Variants in ARMC9 observed in about 807,000 individuals in gnomAD.
The protein encoded by ARMC9 is lisH domain-containing protein ARMC9.
Under a neutral mutation model 107.0 loss-of-function variants are expected in ARMC9, and 94 were observed. That is an observed-to-expected ratio of 0.88 (90% CI 0.74 to 1.04). The LOEUF is 1.04. ARMC9 is among the 50% of genes least tolerant of loss of function. The pLI, the probability that ARMC9 is intolerant of heterozygous loss-of-function variation, is 0.00. For synonymous variants in ARMC9, 380 were observed against 396.9 expected (o/e 0.96, Z 0.51); for missense variants, 942 against 1,030.1 (o/e 0.91, Z 1.17).
At chr2:231,324,409 G>C (rs62197356) in intron 19 of ARMC9, among the ~76,000 whole-genome samples, 97,332 of 148,156 alleles carry the variant, frequency 0.66, 32,061 homozygotes, top group East Asian at 0.78. Context: ...TATAGGCCAC[G>C]CGGCCTATAA....
chr2:231,256,459 CA>C (rs202122259), intron 9 of ARMC9, 126 bp from the exon 10 acceptor site: 12,425 of 903,618 alleles, frequency 0.014, 1 homozygote, highest in East Asian at 0.044. Context: ...AAAAAAAAAC[CA>C]AAAAAAAAAA....
intron 7 of ARMC9, among the ~76,000 whole-genome samples, chr2:231,229,134 AG>A (rs553902474): frequency 6.6e-6 from 1 of 152,082 alleles, no homozygotes; most frequent in African/African-American, 2.4e-5. Context: ...TGGCAAGCAA[AG>A]TGCATCTGTG....
chr2:231,236,289 A>G (rs778298300), intron 8 of ARMC9, among the ~76,000 whole-genome samples: 15 of 152,204 alleles, frequency 9.9e-5, no homozygotes, highest in Non-Finnish European at 2.1e-4. Flanking sequence ...ATTGACAGTC[A>G]TGTTACATCA....
chr2:231,217,118 A>G (rs2033596722), intron 5 of ARMC9, among the ~76,000 whole-genome samples: 1 of 152,236 alleles, frequency 6.6e-6, no homozygotes, highest in African/African-American at 2.4e-5. Flanking sequence ...AATACATTGT[A>G]TTATATTCAC....
chr2:231,331,826 A>G lies in ARMC9; in HGVS notation c.1807A>G (p.Lys603Glu), dbSNP rs367927015. ...TGACATCATGGAAGCCGATCTGGAC[A>G]AAGACGAACTGATCCAGCCCCAGCT... ...DHDIMEADLD[K>E]DELIQPQLGE... is the part of the protein sequence containing the mutation. Residue 603 changes from lysine (K) to glutamate (E), a missense_variant, in exon 20 of 25, where the codon AAA (lysine) becomes GAA (glutamate). Transcript: ENST00000611582. 45 of 1,613,920 alleles carry G rather than the reference A, an allele frequency of 2.8e-5. No homozygotes were observed. Among genetic ancestry groups the G allele is most frequent in the Non-Finnish European group, 3.1e-5 (36 of 1,179,954 alleles).
At position 231,314,826 on chromosome 2, in the gene ARMC9, T is replaced by C. The variant is rs907763688; in HGVS notation, c.1774-16967T>C. 5.9e-5 allele frequency among the ~76,000 whole-genome samples: 9 copies of C among 152,364 alleles called. No individual in the cohort carries two copies. In the South Asian group the frequency reaches 1.9e-3, roughly 32 times the overall value. ...GTATAGGACCATTTTTAGTTAATTT[T>C]TGTGTGTGATGTGAGATAAAGATCT... On this transcript the variant is annotated intron_variant, in intron 19 of 24. Coordinates refer to ENST00000611582, the MANE Select transcript of ARMC9 (RefSeq NM_001352754.2).
intron 20 of ARMC9, among the ~76,000 whole-genome samples, chr2:231,341,705 T>C (rs1016468594): frequency 6.6e-6 from 1 of 151,616 alleles, no homozygotes; most frequent in African/African-American, 2.4e-5. Context: ...TTACAGAAAT[T>C]CATACTGCTT....
rs1394994536 is a variant in ARMC9 at position 231,362,413 on chromosome 2, T to G, written c.2261+1530T>G. ...CAAATGCTGAGTTCATTTCTGAGGCTCTCCACTGGGGACAGCCCTCTCTCC... is the reference window on the plus strand; with the variant it reads ...CAAATGCTGAGTTCATTTCTGAGGCGCTCCACTGGGGACAGCCCTCTCTCC... On this transcript the variant is annotated intron_variant, in intron 23 of 24. Transcript: ENST00000611582. This position sits in a 1 kb window ranked among gnomAD's most constrained non-coding sequence, Gnocchi z 4.7. 6.6e-6 allele frequency among the ~76,000 whole-genome samples: 1 copy of G among 152,062 alleles called. No individual in the cohort carries two copies. The highest frequency in any genetic ancestry group is 2.1e-4 in the South Asian group (1 of 4,828).
intron 4 of ARMC9, among the ~76,000 whole-genome samples, chr2:231,215,970 T>C (rs983613768): frequency 1.3e-5 from 2 of 152,202 alleles, no homozygotes; most frequent in Admixed American, 6.5e-5. Context: ...GCTTAGTCTA[T>C]GTACGAGACT....
intron 14 of ARMC9, 126 bp downstream of exon 14, chr2:231,273,204 G>T: frequency 7.8e-7 from 1 of 1,289,234 alleles, no homozygotes; most frequent in Non-Finnish European, 1.1e-6. Flanking sequence ...GACTTTCTAA[G>T]ACAGAGCTAG....
chr2:231,241,728 ATAAG>A (rs1470709009), intron 9 of ARMC9, among the ~76,000 whole-genome samples: 1 of 152,184 alleles, frequency 6.6e-6, no homozygotes, highest in African/African-American at 2.4e-5. Context: ...GAAAATAAAA[ATAAG>A]TAAAGCAGTT....
intron 19 of ARMC9, among the ~76,000 whole-genome samples, chr2:231,301,717 C>T (rs761513916): frequency 3.9e-5 from 6 of 152,074 alleles, no homozygotes; most frequent in Non-Finnish European, 8.8e-5. Flanking sequence ...TGGTGGCTCA[C>T]GCCTGAATCC....
At chr2:231,278,562 T>G in intron 16 of ARMC9, 104 bp downstream of exon 16, 2 of 946,428 alleles carry the variant, frequency 2.1e-6, no homozygotes, top group Admixed American at 2.0e-5. Flanking sequence ...GTTGCTGTAT[T>G]TGAAAACTGT....
Position 231,353,992 on chromosome 2 carries a change from C to T in ARMC9, c.1995-1806C>T, listed in dbSNP as rs1282037143. Among the ~76,000 whole-genome samples the T allele has an allele frequency of 4.2e-3, 490 of 117,408 alleles. 5 individuals carry two copies. The highest frequency in any genetic ancestry group is 0.029 in the African/African-American group (462 of 15,846). The allele number at this position is 117,408 out of a possible 152,430, so 77.0% of individuals were successfully genotyped here. A position where few individuals can be genotyped will look rare whatever the true frequency, so the allele number is the denominator to read the frequency against. ...ATATATGTATATATACACACACACA[C>T]ACACACACACACACACACACACACC... On this transcript the variant is annotated intron_variant, in intron 21 of 24. Transcript: ENST00000611582.
At chr2:231,345,612 G>A (rs760341913) in intron 21 of ARMC9, among the ~76,000 whole-genome samples, 1 of 152,142 alleles carries the variant, frequency 6.6e-6, no homozygotes, top group Non-Finnish European at 1.5e-5. Context: ...AGAGCCTCTG[G>A]TCTCCCTGGG....
chr2:231,328,818 TC>T lies in ARMC9; in HGVS notation c.1774-2974del, dbSNP rs199631510. On this transcript the variant is annotated intron_variant, in intron 19 of 24. Coordinates refer to ENST00000611582, the MANE Select transcript of ARMC9 (RefSeq NM_001352754.2). ...TGTTCAATTTTCTTTTCTTTTCTTT[TC>T]TTTTTTTTTTTTTGAGTCGGAGTCT... Among the ~76,000 whole-genome samples the T allele has an allele frequency of 7.6e-5, 10 of 132,026 alleles. 3 individuals are homozygous for T. Among genetic ancestry groups the T allele is most frequent in the African/African-American group, 1.7e-4 (6 of 35,960 alleles). The allele number at this position is 132,026 out of a possible 152,430, so 86.6% of individuals were successfully genotyped here. A position where few individuals can be genotyped will look rare whatever the true frequency, so the allele number is the denominator to read the frequency against.
In ARMC9 at chr2:231,371,922, A is replaced by G. The variant is rs2046035685; in HGVS notation, c.*387A>G. 1 of 201,172 alleles carries G rather than the reference A, an allele frequency of 5.0e-6. No individual in the cohort carries two copies. The highest frequency in any genetic ancestry group is 9.9e-6 in the Non-Finnish European group (1 of 100,554). 12.5% of individuals were successfully genotyped at this position (201,172 alleles called of 1,614,324 possible). On this transcript the variant is annotated 3_prime_UTR_variant, in exon 25 of 25. Coordinates refer to ENST00000611582, the MANE Select transcript of ARMC9 (RefSeq NM_001352754.2). Reference sequence around the variant, plus strand: ...CCCAACAGGGCGACAGTGTAGGGCCAGCCTGGAGCAGGGCTTTTCCAAGGC... The same window carrying G: ...CCCAACAGGGCGACAGTGTAGGGCCGGCCTGGAGCAGGGCTTTTCCAAGGC...
intron 9 of ARMC9, among the ~76,000 whole-genome samples, chr2:231,244,393 G>T (rs1341525135): frequency 6.7e-6 from 1 of 148,944 alleles, no homozygotes; most frequent in Non-Finnish European, 1.5e-5. Flanking sequence ...TTGAGACAGG[G>T]TCTCGCTCTG....
chr2:231,333,476 T>G (rs1454605285), intron 20 of ARMC9, among the ~76,000 whole-genome samples: 5 of 152,024 alleles, frequency 3.3e-5, no homozygotes, highest in African/African-American at 1.2e-4. Flanking sequence ...AGGATTAAAG[T>G]AGTCTAATTG....
Sources: gnomAD v4.1 joint callset for allele counts (sites outside exome capture counted in the v4.1 genomes callset) on GRCh38, gnomAD v4.1.1 for gene constraint, Gnocchi (gnomAD v3.1) non-coding constraint, MANE v1.5 for transcripts, NCBI Gene and HGNC (gene_info 2026-07-23, HGNC 2026-07-21) for gene names.